SETX: variants seen among roughly 807,000 people sequenced by gnomAD.
The protein encoded by SETX is senataxin, also known as helicase senataxin.
In SETX, 90 loss-of-function variants were observed where a neutral mutation model predicts 227.2. The observed-to-expected ratio is 0.40, with a 90% CI of 0.33 to 0.47. The LOEUF (loss-of-function observed/expected upper bound fraction) is 0.47. Among genes scored for constraint, SETX ranks in the 20% least tolerant of loss-of-function variants. The probability of loss-of-function intolerance (pLI) is 0.91; values close to 1 mark genes in which losing one functional copy is unlikely to be tolerated. For missense variants in SETX, 3,052 were observed against 3,181.5 expected (o/e 0.96, Z 0.98); for synonymous variants, 1,210 against 1,113.2 (o/e 1.09, Z -1.73).
chr9:132,303,630 G>A (rs1187827930), intron 11 of SETX, among the ~76,000 whole-genome samples: 1 of 151,850 alleles, frequency 6.6e-6, no homozygotes, highest in Non-Finnish European at 1.5e-5. Context: ...TAAATAACTT[G>A]TCTCCAGAAT....
chr9:132,331,201 C>T (rs1234968307), intron 8 of SETX, 62 bp from the exon 9 acceptor site: 1 of 1,607,066 alleles, frequency 6.2e-7, no homozygotes, highest in African/African-American at 1.3e-5. Context: ...GAAGAAACAC[C>T]TCTTGTTAAG....
In SETX at chr9:132,329,042, CT is replaced by C; in HGVS notation, c.2555del (p.Lys852ArgfsTer18). The C allele has an allele frequency of 6.2e-7, 1 of 1,608,486 alleles. No individual in the cohort carries two copies. ...TGTTTTGAGATTTTTGTTCTCCATT[CT>C]TATCATCCAGAACACCACTAGGGTC... ...SLDPSGVLDD[K>X]NGEQKSQNNV... On this transcript the variant is annotated frameshift_variant, in exon 10 of 26. Transcript: ENST00000224140. LOFTEE classifies it high-confidence loss of function.
chr9:132,347,638 A>G (rs1000379366), intron 3 of SETX, among the ~76,000 whole-genome samples: 2 of 151,910 alleles, frequency 1.3e-5, no homozygotes, highest in Non-Finnish European at 2.9e-5. Context: ...GAAGTTTTCT[A>G]TAAATATCTC....
At chr9:132,306,212 C>G (rs573451843) in intron 11 of SETX, among the ~76,000 whole-genome samples, 1 of 152,252 alleles carries the variant, frequency 6.6e-6, no homozygotes, top group African/African-American at 2.4e-5. Flanking sequence ...GCCAGTTCTA[C>G]TACTGACAAC....
chr9:132,269,827 C>G (rs1842810491), intron 24 of SETX, 125 bp from the exon 25 acceptor site: 2 of 954,952 alleles, frequency 2.1e-6, no homozygotes, highest in East Asian at 5.0e-5. Flanking sequence ...TTGAATGACT[C>G]AGTGAGCCCG....
intron 10 of SETX, among the ~76,000 whole-genome samples, chr9:132,314,906 G>GTTTTTTTTT (rs559979271): frequency 5.7e-5 from 5 of 88,474 alleles, no homozygotes; most frequent in Non-Finnish European, 8.7e-5. Context: ...ATTTTATTGT[G>GTTTTTTTTT]TTTTTTTTTT....
chr9:132,292,975 A>C lies in SETX; in HGVS notation c.6106+2897T>G, dbSNP rs548067097. ...TAAAGCCTGTGTAACTTCAATACTA[A>C]AACTAGACAAATACAGTGTAACAAA... On this transcript the variant is annotated intron_variant, in intron 15 of 25. Transcript: ENST00000224140. Among the ~76,000 whole-genome samples the C allele has an allele frequency of 9.7e-4, 148 of 152,188 alleles. 2 individuals carry two copies. The highest frequency in any genetic ancestry group is 7.8e-4 in the Non-Finnish European group (53 of 68,044).
intron 5 of SETX, among the ~76,000 whole-genome samples, chr9:132,340,516 A>G (rs1248103450): frequency 6.6e-6 from 1 of 150,900 alleles, no homozygotes; most frequent in Non-Finnish European, 1.5e-5. Flanking sequence ...TTCAGGGCTG[A>G]GTGATGGATA....
Position 132,327,184 on chromosome 9 carries a change from C to A in SETX, c.4414G>T (p.Ala1472Ser). 1 of 1,614,176 alleles carries A rather than the reference C, an allele frequency of 6.2e-7. No homozygotes were observed. Among genetic ancestry groups the A allele is most frequent in the Non-Finnish European group, 8.5e-7 (1 of 1,180,028 alleles). ...EDPLGGGDPT[A>S]RHIEMAALKE... is the part of the protein sequence containing the mutation. ...AAAGCTGCCATCTCTATATGACGTG[C>A]TGTTGGATCACCTCCACCCAGAGGG... The change falls in exon 10 of 26, where the codon GCA becomes TCA. Residue 1472 changes from alanine to serine, a missense_variant. Around this residue, in one of 10 missense-constraint regions of SETX, gnomAD observed 1,483 missense variants for 1,312.0 expected, o/e 1.13. Coordinates refer to ENST00000224140, the MANE Select transcript of SETX (RefSeq NM_015046.7).
chr9:132,324,362 C>T (rs1348598245), intron 10 of SETX, among the ~76,000 whole-genome samples: 2 of 152,180 alleles, frequency 1.3e-5, no homozygotes, highest in Non-Finnish European at 2.9e-5. Flanking sequence ...TTCACTCAAG[C>T]TTTATAAAAG....
intron 15 of SETX, among the ~76,000 whole-genome samples, chr9:132,293,491 G>A (rs111887758): frequency 4.6e-5 from 7 of 151,956 alleles, no homozygotes; most frequent in Non-Finnish European, 4.4e-5. Context: ...GCGCGATCTC[G>A]GCTCACTGCA....
At position 132,327,966 on chromosome 9, in the gene SETX, C is replaced by T. The variant is rs774817290; in HGVS notation, c.3632G>A (p.Arg1211His). The change falls in exon 10 of 26, where the codon CGT becomes CAT. Residue 1211 changes from arginine (R) to histidine (H), a missense_variant. By Grantham distance (29) the Arg-to-His change is conservative. Transcript: ENST00000224140. ...IDRRTSTPNS[R>H]IQRATTVSQK... Reference sequence around the variant, plus strand: ...TGAAACCGTAGTGGCTCTCTGAATACGTGAATTGGGAGTTGAAGTCCTTCT... The same window carrying T: ...TGAAACCGTAGTGGCTCTCTGAATATGTGAATTGGGAGTTGAAGTCCTTCT... 7.4e-6 allele frequency: 12 copies of T among 1,613,886 alleles called. No individual in the cohort carries two copies. Among genetic ancestry groups the T allele is most frequent in the East Asian group, 2.2e-5 (1 of 44,888 alleles).
At chr9:132,324,790 T>C (rs1846600026) in intron 10 of SETX, among the ~76,000 whole-genome samples, 1 of 152,208 alleles carries the variant, frequency 6.6e-6, no homozygotes, top group South Asian at 2.1e-4. Flanking sequence ...CTCAACATTG[T>C]TGGTTTTAAG....
In SETX at chr9:132,329,608, T is replaced by C. The variant is rs779924047; in HGVS notation, c.1990A>G (p.Ile664Val). 3 of 1,613,894 alleles carry C rather than the reference T, an allele frequency of 1.9e-6. No individual in the cohort carries two copies. Among genetic ancestry groups the C allele is most frequent in the South Asian group, 2.2e-5 (2 of 91,050 alleles). The change falls in exon 10 of 26, where the codon ATA becomes GTA. Residue 664 changes from isoleucine (I) to valine (V), a missense_variant. This residue lies in a region of SETX where 1,483 missense variants were observed against 1,312.0 expected (regional missense o/e 1.13). Coordinates refer to ENST00000224140, the MANE Select transcript of SETX (RefSeq NM_015046.7). ...TTTTGCTCATTATTGTCACCTTCTA[T>C]AGTGTTATCTGCTTTGATCAATACA... The part of the protein sequence containing the change: ...DSVLIKADNT[I>V]EGDNNEQNYI...
chr9:132,307,555 T>C (rs1845405434), intron 11 of SETX, among the ~76,000 whole-genome samples: 1 of 152,112 alleles, frequency 6.6e-6, no homozygotes. Flanking sequence ...CATCTTGTCA[T>C]AGCACACAGC....
At chr9:132,302,681 C>CAAAAAAAAAAAAAAAAAAAAAAAAGA (rs57673567) in intron 11 of SETX, among the ~76,000 whole-genome samples, 1 of 78,474 alleles carries the variant, frequency 1.3e-5, no homozygotes. Context: ...AAAAAAAAAG[C>CAAAAAAAAAAAAAAAAAAAAAAAAGA]AAAAAAAAAA....
chr9:132,338,974 G>C (rs1489952416), intron 5 of SETX, among the ~76,000 whole-genome samples: 1 of 152,084 alleles, frequency 6.6e-6, no homozygotes, highest in Non-Finnish European at 1.5e-5. Flanking sequence ...TGTTGCTCAG[G>C]CTGGTCTTGA....
chr9:132,288,951 A>G (rs1461413399), intron 15 of SETX, among the ~76,000 whole-genome samples: 2 of 152,218 alleles, frequency 1.3e-5, no homozygotes, highest in Admixed American at 1.3e-4. Flanking sequence ...TTTTCAAACT[A>G]TGTTCAGTAG....
intron 10 of SETX, among the ~76,000 whole-genome samples, chr9:132,322,003 A>C (rs900376152): frequency 7.9e-5 from 12 of 152,178 alleles, no homozygotes; most frequent in African/African-American, 2.9e-4. Context: ...ACAGATTATA[A>C]CTGCACCTAA....
Sources: allele counts gnomAD v4.1 joint callset (sites outside exome capture counted in the v4.1 genomes callset), GRCh38; gene constraint gnomAD v4.1.1; regional missense constraint gnomAD v4.1.1; transcripts MANE v1.5; gene names NCBI Gene and HGNC (gene_info 2026-07-23, HGNC 2026-07-21).